ASTN2: variants seen among roughly 807,000 people sequenced by gnomAD.
ASTN2 encodes the protein astrotactin 2.
In ASTN2, 54 loss-of-function variants were observed where a neutral mutation model predicts 139.8. That is an observed-to-expected ratio of 0.39 (90% CI 0.31 to 0.48). The LOEUF (loss-of-function observed/expected upper bound fraction) is 0.48, where lower values mean the gene tolerates loss of function less well. Among genes scored for constraint, ASTN2 ranks in the 20% least tolerant of loss-of-function variants. The pLI, the probability that ASTN2 is intolerant of heterozygous loss-of-function variation, is 0.95. For missense variants in ASTN2, 1,565 were observed against 1,725.1 expected (o/e 0.91, Z 1.64); for synonymous variants, 756 against 719.5 (o/e 1.05, Z -0.81).
intron 4 of ASTN2, among the ~76,000 whole-genome samples, chr9:117,114,551 T>G (rs1232792979): frequency 6.6e-6 from 1 of 152,136 alleles, no homozygotes; most frequent in Non-Finnish European, 1.5e-5. Context: ...AATTATTGAA[T>G]TAGAGTCAGA....
intron 10 of ASTN2, among the ~76,000 whole-genome samples, chr9:116,907,366 G>A (rs540907101): frequency 1.3e-5 from 2 of 152,292 alleles, no homozygotes; most frequent in South Asian, 4.1e-4. Context: ...TACTGGCCCT[G>A]AGGCACATCA....
chr9:116,671,973 TGA>T (rs1859221445), intron 16 of ASTN2, among the ~76,000 whole-genome samples: 1 of 151,976 alleles, frequency 6.6e-6, no homozygotes, highest in Non-Finnish European at 1.5e-5. Flanking sequence ...ACAAAAACTG[TGA>T]GAGGGGAAAA....
At chr9:117,237,773 TC>T (rs1833088104) in intron 2 of ASTN2, among the ~76,000 whole-genome samples, 1 of 152,166 alleles carries the variant, frequency 6.6e-6, no homozygotes, top group African/African-American at 2.4e-5. Context: ...GCCACCACAC[TC>T]AGCCGAGGTT....
rs373217069 is a variant in ASTN2 at position 116,718,972 on chromosome 9, G to GTATGTATATATATATATATATATA, written c.2806+6798_2806+6799insTATATATATATATATATATACATA. The stretch of plus-strand genomic sequence containing the variant: ...TATTTACATATCTATACCTGTATCT[G>GTATGTATATATATATATATATATA]TACATATATATATATATATCTGCCT... On this transcript the variant is annotated intron_variant, in intron 16 of 22. Coordinates refer to ENST00000313400, the MANE Select transcript of ASTN2 (RefSeq NM_001365068.1). 4.0e-5 allele frequency among the ~76,000 whole-genome samples: 4 copies of GTATGTATATATATATATATATATA among 100,000 alleles called. 1 individual carries two copies. The highest frequency in any genetic ancestry group is 8.0e-5 in the Non-Finnish European group (4 of 49,786). 65.6% of individuals were successfully genotyped at this position (100,000 alleles called of 152,430 possible). A position where few individuals can be genotyped will look rare whatever the true frequency, so the allele number is the denominator to read the frequency against.
intron 1 of ASTN2, among the ~76,000 whole-genome samples, chr9:117,345,834 T>A (rs10818025): frequency 0.26 from 38,957 of 151,868 alleles, 5,471 homozygotes; most frequent in African/African-American, 0.36. Flanking sequence ...TAACTTCTTT[T>A]TCTCTTCCAC....
intron 10 of ASTN2, among the ~76,000 whole-genome samples, chr9:116,897,610 A>T (rs1833908608): frequency 6.6e-6 from 1 of 152,238 alleles, no homozygotes; most frequent in Non-Finnish European, 1.5e-5. Context: ...ACATCGCTGA[A>T]TAAAACTGGC....
chr9:116,585,055 T>C (rs1378298676), intron 19 of ASTN2: 3 of 152,202 alleles, frequency 2.0e-5, no homozygotes, highest in African/African-American at 7.2e-5. Flanking sequence ...AACACTTGAG[T>C]AGTTTTGATC....
chr9:116,555,958 A>C (rs1852593776), intron 19 of ASTN2, among the ~76,000 whole-genome samples: 1 of 152,190 alleles, frequency 6.6e-6, no homozygotes, highest in Non-Finnish European at 1.5e-5. Flanking sequence ...AACTCACAGC[A>C]TGGCAGCACC....
At chr9:117,172,185 T>G (rs761976482) in intron 3 of ASTN2, among the ~76,000 whole-genome samples, 6 of 152,178 alleles carry the variant, frequency 3.9e-5, no homozygotes, top group Non-Finnish European at 5.9e-5. Context: ...ATCATAAGGC[T>G]GCCCAGCAGA....
intron 19 of ASTN2, chr9:116,540,701 A>T (rs1045204923): frequency 6.6e-6 from 1 of 152,226 alleles, no homozygotes; most frequent in Admixed American, 6.5e-5. Context: ...AAAGGAGCAC[A>T]ATAGAAGAGA....
intron 6 of ASTN2, among the ~76,000 whole-genome samples, chr9:117,015,494 T>C (rs1215566938): frequency 6.6e-6 from 1 of 152,162 alleles, no homozygotes; most frequent in Non-Finnish European, 1.5e-5. Context: ...GTTCTATCAA[T>C]GGACCCCCTG....
At chr9:116,738,800 T>C (rs1483160057) in intron 13 of ASTN2, among the ~76,000 whole-genome samples, 1 of 152,210 alleles carries the variant, frequency 6.6e-6, no homozygotes, top group East Asian at 1.9e-4. Flanking sequence ...AGCTTCCAGC[T>C]GAGAGCCCAG....
rs189179404 is a variant in ASTN2 at position 116,969,903 on chromosome 9, A to G, written c.1889+5305T>C. On this transcript the variant is annotated intron_variant, in intron 10 of 22. Transcript: ENST00000313400. Reference sequence around the variant, plus strand: ...ATCACCACAAACTGGGGCAGCTTCAAACAACCAGAAATCTGAAATCGGTAT... The same window carrying G: ...ATCACCACAAACTGGGGCAGCTTCAGACAACCAGAAATCTGAAATCGGTAT... Among the ~76,000 whole-genome samples the G allele has an allele frequency of 6.6e-4, 100 of 152,294 alleles. 1 individual carries two copies. The highest frequency in any genetic ancestry group is 5.8e-3 in the East Asian group (30 of 5,168).
At chr9:116,864,415 C>A (rs1044888850) in intron 10 of ASTN2, among the ~76,000 whole-genome samples, 6 of 152,104 alleles carry the variant, frequency 3.9e-5, no homozygotes, top group Non-Finnish European at 7.3e-5. Flanking sequence ...TCATGGGATT[C>A]CAGGGAAATA....
At chr9:116,440,962 G>T (rs753992283) in intron 21 of ASTN2, among the ~76,000 whole-genome samples, 170 bp from the exon 22 acceptor site, 2 of 152,172 alleles carry the variant, frequency 1.3e-5, no homozygotes, top group South Asian at 4.1e-4. Context: ...GGTTGTGTTT[G>T]GTTTTCTGTC....
chr9:117,022,439 G>T (rs1837908896), intron 6 of ASTN2, among the ~76,000 whole-genome samples: 1 of 125,160 alleles, frequency 8.0e-6, no homozygotes, highest in Non-Finnish European at 1.8e-5. Context: ...CAGTATCCCA[G>T]GGCAAAAAAA....
chr9:117,405,653 C>T (rs1000903758), intron 1 of ASTN2, among the ~76,000 whole-genome samples: 12 of 152,096 alleles, frequency 7.9e-5, no homozygotes, highest in Non-Finnish European at 1.3e-4. Flanking sequence ...GGCTTGGTGA[C>T]CTTGATTTCC....
chr9:117,394,801 T>C (rs1434070626), intron 1 of ASTN2, among the ~76,000 whole-genome samples: 2 of 152,128 alleles, frequency 1.3e-5, no homozygotes, highest in African/African-American at 4.8e-5. Context: ...GTTGGGTCCT[T>C]ATGCAGAGGA....
chr9:116,982,886 C>A (rs1449911939), intron 7 of ASTN2, among the ~76,000 whole-genome samples: 1 of 152,198 alleles, frequency 6.6e-6, no homozygotes, highest in Non-Finnish European at 1.5e-5. Context: ...GCAGCCCCTG[C>A]TGAAGGAGGT....
Sources: allele counts gnomAD v4.1 joint callset (sites outside exome capture counted in the v4.1 genomes callset), GRCh38; gene constraint gnomAD v4.1.1; transcripts MANE v1.5; gene names NCBI Gene and HGNC (gene_info 2026-07-23, HGNC 2026-07-21).